GLRA1: variants seen among roughly 807,000 people sequenced by gnomAD.
GLRA1 encodes the protein glycine receptor alpha 1, also known as glycine receptor subunit alpha-1.
In GLRA1, 37 loss-of-function variants were observed where a neutral mutation model predicts 48.3. The ratio of observed to expected loss-of-function variants is 0.77; its 90% CI spans 0.59 to 1.01. The LOEUF (loss-of-function observed/expected upper bound fraction) is 1.01, where lower values mean the gene tolerates loss of function less well. Among genes scored for constraint, GLRA1 ranks in the 50% least tolerant of loss-of-function variants. The probability of loss-of-function intolerance (pLI) is 0.00; values close to 1 mark genes in which losing one functional copy is unlikely to be tolerated. For missense variants in GLRA1, 427 were observed against 571.0 expected, an observed-to-expected ratio of 0.75 and a Z score of 2.57; for synonymous variants, 196 against 210.7, an observed-to-expected ratio of 0.93 and a Z score of 0.60.
At chr5:151,836,452 A>G (rs1013305365) in intron 7 of GLRA1, among the ~76,000 whole-genome samples, 2 of 152,222 alleles carry the variant, frequency 1.3e-5, no homozygotes, top group Non-Finnish European at 2.9e-5. Flanking sequence ...ATTAGAAAAA[A>G]CTACTTCAAA....
chr5:151,872,130 A>G (rs1222589231), intron 3 of GLRA1, among the ~76,000 whole-genome samples: 1 of 149,794 alleles, frequency 6.7e-6, no homozygotes, highest in Non-Finnish European at 1.5e-5. Flanking sequence ...AAATTAGTAG[A>G]AAAACAGTGA....
intron 1 of GLRA1, among the ~76,000 whole-genome samples, chr5:151,917,997 C>G (rs183009695): frequency 6.6e-6 from 1 of 152,136 alleles, no homozygotes; most frequent in Non-Finnish European, 1.5e-5. Context: ...TTTAGAGCAA[C>G]GGACACTGAA....
intron 1 of GLRA1, among the ~76,000 whole-genome samples, chr5:151,918,459 G>T (rs1277594279): frequency 6.6e-6 from 1 of 152,134 alleles, no homozygotes; most frequent in Non-Finnish European, 1.5e-5. Context: ...CGAGGCTTTT[G>T]CATAACCAAG....
chr5:151,919,555 G>A (rs544509503), intron 1 of GLRA1, among the ~76,000 whole-genome samples: 77 of 152,174 alleles, frequency 5.1e-4, no homozygotes, highest in Non-Finnish European at 1.0e-3. Context: ...ACTATACCTC[G>A]ATGTGGCTAT....
chr5:151,828,741 C>A (rs956219950), intron 8 of GLRA1, among the ~76,000 whole-genome samples, 180 bp downstream of exon 8: 1 of 152,196 alleles, frequency 6.6e-6, no homozygotes, highest in African/African-American at 2.4e-5. Flanking sequence ...TATAGACCCA[C>A]CTAGGGCATT....
intron 1 of GLRA1, among the ~76,000 whole-genome samples, chr5:151,903,596 T>C (rs748794634): frequency 6.6e-6 from 1 of 152,174 alleles, no homozygotes; most frequent in Non-Finnish European, 1.5e-5. Flanking sequence ...GACCTAGTCA[T>C]CCTGTGCATT....
intron 1 of GLRA1, among the ~76,000 whole-genome samples, chr5:151,913,690 A>G (rs1394679723): frequency 6.6e-6 from 1 of 152,250 alleles, no homozygotes; most frequent in Non-Finnish European, 1.5e-5. Flanking sequence ...GAAGCAGCTT[A>G]CTACAGTAGC....
intron 3 of GLRA1, among the ~76,000 whole-genome samples, chr5:151,873,992 C>G (rs1753560463): frequency 6.6e-6 from 1 of 152,138 alleles, no homozygotes; most frequent in African/African-American, 2.4e-5. Context: ...AAATCAAGTG[C>G]TGGATGCACT....
intron 3 of GLRA1, among the ~76,000 whole-genome samples, chr5:151,881,492 ATTTT>A (rs3033233): frequency 5.1e-5 from 6 of 116,836 alleles, no homozygotes; most frequent in Admixed American, 8.9e-5. Context: ...ATGCCCTGCA[ATTTT>A]TTTTTTTTTT....
chr5:151,895,487 C>G (rs1226272273), intron 1 of GLRA1, among the ~76,000 whole-genome samples: 1 of 152,156 alleles, frequency 6.6e-6, no homozygotes, highest in Non-Finnish European at 1.5e-5. Context: ...CTTAACTTGT[C>G]TGAGCTTTAG....
chr5:151,844,403 C>T (rs1385221831), intron 7 of GLRA1, among the ~76,000 whole-genome samples: 3 of 152,000 alleles, frequency 2.0e-5, no homozygotes, highest in Non-Finnish European at 4.4e-5. Context: ...AGGCAGATTG[C>T]TTGAGGTCAG....
intron 3 of GLRA1, among the ~76,000 whole-genome samples, chr5:151,886,242 AT>A (rs147662498): frequency 0.017 from 2,573 of 152,018 alleles, 71 homozygotes; most frequent in African/African-American, 0.059. Context: ...CAATTTTGGT[AT>A]TTTTTTTCCT....
At position 151,856,296 on chromosome 5, in the gene GLRA1, C is replaced by T. The variant is rs1186139441; in HGVS notation, c.559+5G>A. 2.5e-6 allele frequency: 4 copies of T among 1,600,722 alleles called. No individual in the cohort carries two copies. The highest frequency in any genetic ancestry group is 3.4e-6 in the Non-Finnish European group (4 of 1,168,408). ...CTTTCTAGAGGACTCATGCAAGACA[C>T]TCACAGCTTTCCAGTTGCATGATAC... On this transcript the variant is annotated splice_donor_5th_base_variant and intron_variant, in intron 5 of 8. Transcript: ENST00000274576.
intron 2 of GLRA1, among the ~76,000 whole-genome samples, chr5:151,888,224 A>C (rs1441736386): frequency 1.3e-5 from 2 of 152,228 alleles, no homozygotes; most frequent in Admixed American, 1.3e-4. Flanking sequence ...CTCTTGAAAA[A>C]GTAGCCCAAG....
At chr5:151,884,448 CA>C (rs1379965640) in intron 3 of GLRA1, among the ~76,000 whole-genome samples, 1 of 151,928 alleles carries the variant, frequency 6.6e-6, no homozygotes, top group East Asian at 1.9e-4. Context: ...CAAAACAAAA[CA>C]AAAAAACCCA....
intron 2 of GLRA1, among the ~76,000 whole-genome samples, chr5:151,888,498 G>T (rs1441071378): frequency 1.3e-5 from 2 of 152,144 alleles, no homozygotes; most frequent in Non-Finnish European, 2.9e-5. Context: ...TTCCTTTATG[G>T]AAGCTATCCA....
intron 3 of GLRA1, among the ~76,000 whole-genome samples, chr5:151,875,039 T>C (rs1223028647): frequency 6.6e-6 from 1 of 152,076 alleles, no homozygotes; most frequent in Non-Finnish European, 1.5e-5. Context: ...AAAAAGTAGA[T>C]GGATTTAAGT....
intron 1 of GLRA1, among the ~76,000 whole-genome samples, chr5:151,910,977 A>AG (rs2113451840): frequency 6.6e-6 from 1 of 152,344 alleles, no homozygotes; most frequent in African/African-American, 2.4e-5. Flanking sequence ...TGGTTATCGT[A>AG]GGAATTAATA....
intron 2 of GLRA1, among the ~76,000 whole-genome samples, chr5:151,891,466 T>C (rs564278380): frequency 3.3e-5 from 5 of 152,186 alleles, no homozygotes; most frequent in Non-Finnish European, 5.9e-5. Context: ...AAGTCTCACA[T>C]AGATCTCGGT....
Sources: gnomAD v4.1 joint callset for allele counts (sites outside exome capture counted in the v4.1 genomes callset) on GRCh38, gnomAD v4.1.1 for gene constraint, MANE v1.5 for transcripts, NCBI Gene and HGNC (gene_info 2026-07-23, HGNC 2026-07-21) for gene names.